TMEM165: variants seen among roughly 807,000 people sequenced by gnomAD.
TMEM165 encodes transmembrane protein 165.
In TMEM165, 19 loss-of-function variants were observed where a neutral mutation model predicts 30.0. That is an observed-to-expected ratio of 0.63 (90% CI 0.44 to 0.93). The LOEUF (loss-of-function observed/expected upper bound fraction) is 0.93. Among genes scored for constraint, TMEM165 ranks in the 40% least tolerant of loss-of-function variants. The pLI is 0.00. For synonymous variants in TMEM165, 168 were observed against 162.9 expected, an observed-to-expected ratio of 1.03 and a Z score of -0.24; for missense variants, 340 against 417.0, an observed-to-expected ratio of 0.82 and a Z score of 1.61.
intron 1 of TMEM165, 92 bp downstream of exon 1, chr4:55,396,488 C>T (rs1720734247): frequency 8.6e-7 from 1 of 1,168,974 alleles, no homozygotes; most frequent in Admixed American, 4.2e-5. Context: ...ACTCCGCCGG[C>T]CTCGGCTGGG....
At chr4:55,422,280 G>A (rs1722012592) in intron 4 of TMEM165, among the ~76,000 whole-genome samples, 1 of 151,470 alleles carries the variant, frequency 6.6e-6, no homozygotes, top group South Asian at 2.1e-4. Context: ...TCTTTTTTTT[G>A]AGAGTCTTGC....
chr4:55,423,633 GGC>G (rs1165727815), intron 4 of TMEM165: 2 of 152,268 alleles, frequency 1.3e-5, no homozygotes, highest in Non-Finnish European at 2.9e-5. Context: ...GTGTTGCCTA[GGC>G]TAGTCTCAAA....
At chr4:55,430,948 ATCAC>A (rs899753802), downstream of TMEM165, 1 of 152,206 alleles carries the variant, frequency 6.6e-6, no homozygotes, top group African/African-American at 2.4e-5. Flanking sequence ...CTATCTTGAA[ATCAC>A]TCCCATAAAC....
chr4:55,450,042 T>G, intron 3 of TMEM165: 1 of 1,598,032 alleles, frequency 6.3e-7, no homozygotes, highest in Non-Finnish European at 8.6e-7. Flanking sequence ...TAACTAAAAG[T>G]TTAGTTAGTT....
chr4:55,450,264 T>C (rs1431727831), intron 3 of TMEM165: 3 of 1,613,410 alleles, frequency 1.9e-6, no homozygotes. Flanking sequence ...AATGTTTTCT[T>C]GTGGTTCAGT....
intron 1 of TMEM165, among the ~76,000 whole-genome samples, chr4:55,405,611 C>T (rs1721235940): frequency 1.3e-5 from 2 of 152,144 alleles, no homozygotes; most frequent in Admixed American, 6.5e-5. Context: ...ACCAGAAAAC[C>T]TCACCACCAT....
Position 55,416,918 on chromosome 4 carries a change from G to T in TMEM165, c.434-154G>T, listed in dbSNP as rs17085690. On this transcript the variant is annotated intron_variant, in intron 2 of 5. Transcript: ENST00000381334. Reference sequence around the variant, plus strand: ...ATGGTTTATTATTGGTGGAGAGAAAGATCTGGAAATACTTGAGGTTATTAC... The same window carrying T: ...ATGGTTTATTATTGGTGGAGAGAAATATCTGGAAATACTTGAGGTTATTAC... The T allele has an allele frequency of 2.5e-3, 1,447 of 590,586 alleles. 17 individuals are homozygous for T. The African/African-American group carries it at 0.025, about 10-fold the overall frequency. 36.6% of individuals were successfully genotyped at this position (590,586 alleles called of 1,614,324 possible).
At chr4:55,449,448 T>C (rs746783320) in intron 3 of TMEM165, 3 of 1,614,076 alleles carry the variant, frequency 1.9e-6, no homozygotes, top group Non-Finnish European at 1.7e-6. Context: ...AGCTGGTAAA[T>C]GCTGCCTGGG....
chr4:55,409,894 T>TGA (rs1721417279), intron 1 of TMEM165, among the ~76,000 whole-genome samples: 1 of 152,218 alleles, frequency 6.6e-6, no homozygotes, highest in African/African-American at 2.4e-5. Flanking sequence ...TTCTGCCTCT[T>TGA]AGGACCGTAT....
At chr4:55,428,355 CAA>C (rs1356032074), downstream of TMEM165, 12 of 152,228 alleles carry the variant, frequency 7.9e-5, no homozygotes, top group East Asian at 1.9e-4. Context: ...AAATCGGTAA[CAA>C]AACGATCCAC....
intron 3 of TMEM165, among the ~76,000 whole-genome samples, chr4:55,446,667 A>G (rs917569024): frequency 8.5e-5 from 13 of 152,222 alleles, no homozygotes; most frequent in African/African-American, 3.1e-4. Context: ...TTGAGTCATG[A>G]GCAGCTCCTA....
intron 1 of TMEM165, among the ~76,000 whole-genome samples, chr4:55,403,566 C>A (rs1322612093): frequency 2.8e-5 from 2 of 71,984 alleles, no homozygotes; most frequent in Non-Finnish European, 6.4e-5. Context: ...TTTTATTAAG[C>A]AAGTTTTTTT....
chr4:55,404,137 G>A (rs757596484), intron 1 of TMEM165, among the ~76,000 whole-genome samples: 29 of 146,780 alleles, frequency 2.0e-4, no homozygotes, highest in African/African-American at 6.5e-4. Context: ...TCAGCCTTCC[G>A]AGTGGCTAGG....
At chr4:55,403,516 A>G (rs28433072) in intron 1 of TMEM165, among the ~76,000 whole-genome samples, 2 of 128,570 alleles carry the variant, frequency 1.6e-5, no homozygotes, top group Admixed American at 7.7e-5. Flanking sequence ...TTTTTTTACA[A>G]TTTTTACATT....
chr4:55,411,576 A>G (rs961814659), intron 1 of TMEM165, 38 bp from the exon 2 acceptor site: 3 of 1,531,176 alleles, frequency 2.0e-6, no homozygotes, highest in African/African-American at 2.8e-5. Flanking sequence ...ATAATTTTGA[A>G]TAATGATTTT....
chr4:55,407,940 G>A (rs746822885), intron 1 of TMEM165, among the ~76,000 whole-genome samples: 2 of 152,138 alleles, frequency 1.3e-5, no homozygotes, highest in Non-Finnish European at 2.9e-5. Context: ...ACAGGGGGGT[G>A]TACCTATTGG....
chr4:55,406,595 T>C (rs1578232834), intron 1 of TMEM165, among the ~76,000 whole-genome samples: 1 of 152,328 alleles, frequency 6.6e-6, no homozygotes, highest in East Asian at 1.9e-4. Flanking sequence ...AGCTCTATAA[T>C]ATTCCGTTAT....
At chr4:55,434,637 A>C (rs1415902753) in intron 3 of TMEM165, 3 of 152,664 alleles carry the variant, frequency 2.0e-5, no homozygotes, top group African/African-American at 4.8e-5. Flanking sequence ...CTCACTGAAC[A>C]AACTGTGACA....
intron 4 of TMEM165, among the ~76,000 whole-genome samples, chr4:55,422,292 C>G (rs149091666): frequency 4.8e-4 from 73 of 152,260 alleles, no homozygotes; most frequent in African/African-American, 1.7e-3. Context: ...GAGTCTTGCT[C>G]TGTCACCCAG....
Sources: gnomAD v4.1 joint callset for allele counts (sites outside exome capture counted in the v4.1 genomes callset) on GRCh38, gnomAD v4.1.1 for gene constraint, MANE v1.5 for transcripts, NCBI Gene and HGNC (gene_info 2026-07-23, HGNC 2026-07-21) for gene names.